GPT2: variants seen among roughly 807,000 people sequenced by gnomAD.
The protein encoded by GPT2 is alanine aminotransferase 2.
GPT2 carries 30 observed loss-of-function variants against 56.9 expected under a neutral mutation model. The ratio of observed to expected loss-of-function variants is 0.53; its 90% CI spans 0.39 to 0.72. The LOEUF (loss-of-function observed/expected upper bound fraction) is 0.72, where lower values mean the gene tolerates loss of function less well. Among genes scored for constraint, GPT2 ranks in the 30% least tolerant of loss-of-function variants. GPT2 has a pLI of 0.00. For missense variants in GPT2, 542 were observed against 703.4 expected (o/e 0.77, Z 2.60); for synonymous variants, 271 against 283.1 (o/e 0.96, Z 0.43).
chr16:46,919,180 A>G (rs1397365156), intron 8 of GPT2, among the ~76,000 whole-genome samples: 1 of 152,184 alleles, frequency 6.6e-6, no homozygotes, highest in Non-Finnish European at 1.5e-5. Context: ...GTCAGCTGTA[A>G]TCCTGTGTCT....
chr16:46,923,278 A>G (rs892737163), intron 9 of GPT2, among the ~76,000 whole-genome samples: 2 of 152,172 alleles, frequency 1.3e-5, no homozygotes, highest in Admixed American at 1.3e-4. Context: ...CCCGGCCAAC[A>G]TGGTCAAACC....
intron 4 of GPT2, among the ~76,000 whole-genome samples, chr16:46,901,530 T>C (rs140010056): frequency 8.3e-4 from 127 of 152,374 alleles, no homozygotes; most frequent in African/African-American, 2.8e-3. Context: ...GGTTCCTTCA[T>C]GCAGCACCCA....
In GPT2 at chr16:46,929,355, A is replaced by G. The variant is rs1961484313; in HGVS notation, c.*358A>G. 2 of 258,778 alleles carry G rather than the reference A, an allele frequency of 7.7e-6. No individual in the cohort carries two copies. The highest frequency in any genetic ancestry group is 4.3e-5 in the African/African-American group (2 of 46,084). The allele number at this position is 258,778 out of a possible 1,614,324, so 16.0% of individuals were successfully genotyped here. A position where few individuals can be genotyped will look rare whatever the true frequency, so the allele number is the denominator to read the frequency against. On this transcript the variant is annotated 3_prime_UTR_variant, in exon 12 of 12. Coordinates refer to ENST00000340124, the MANE Select transcript of GPT2 (RefSeq NM_133443.4). ...TGGAGAAATGAGCAGGTGTCGGGAA[A>G]TGTGTGACTTAACCGTGGTGAGGGC... is the stretch of plus-strand genomic sequence containing the variant.
chr16:46,923,873 G>A (rs1047078960), intron 9 of GPT2: 8 of 257,148 alleles, frequency 3.1e-5, no homozygotes, highest in Admixed American at 5.0e-5. Context: ...GAGGAATTCC[G>A]TCCAGAGCCA....
At chr16:46,905,059 CTTT>C (rs747352054) in intron 4 of GPT2, among the ~76,000 whole-genome samples, 6 of 134,580 alleles carry the variant, frequency 4.5e-5, no homozygotes, top group Admixed American at 7.5e-5. Flanking sequence ...CAGTTCAGGG[CTTT>C]TTTTTTTTTT....
Position 46,906,912 on chromosome 16 carries a change from T to C in GPT2, c.513T>C (p.Asp171=). 2 of 1,614,218 alleles carry C rather than the reference T, an allele frequency of 1.2e-6. No homozygotes were observed. Among genetic ancestry groups the C allele is most frequent in the African/African-American group, 2.7e-5 (2 of 75,052 alleles). Residue 171 remains aspartate (D), a synonymous_variant, in exon 5 of 12, where the codon GAT becomes GAC. Transcript: ENST00000340124. The stretch of plus-strand genomic sequence containing the variant: ...TGGCTGCCTACATCACCAGGAGGGA[T>C]GGCGGTGTGCCTGCGGACCCCGACA... ...EDVAAYITRR[D]GGVPADPDNI...
intron 6 of GPT2, among the ~76,000 whole-genome samples, chr16:46,913,827 C>A (rs1567340194): frequency 6.6e-6 from 1 of 152,098 alleles, no homozygotes; most frequent in Non-Finnish European, 1.5e-5. Flanking sequence ...AATCCCAGCA[C>A]TTTGGGAAGC....
At chr16:46,902,392 G>A (rs1428618512) in intron 4 of GPT2, among the ~76,000 whole-genome samples, 6 of 152,160 alleles carry the variant, frequency 3.9e-5, no homozygotes, top group African/African-American at 1.4e-4. Context: ...GTGTGCTAAA[G>A]CCCCTTGTTA....
At chr16:46,889,184 C>T (rs1457773180) in intron 2 of GPT2, among the ~76,000 whole-genome samples, 1 of 150,562 alleles carries the variant, frequency 6.6e-6, no homozygotes, top group Non-Finnish European at 1.5e-5. Context: ...TATGCCACCA[C>T]GTCTGGCTAA....
intron 11 of GPT2, 92 bp from the exon 12 acceptor site, chr16:46,928,815 C>G (rs1961470314): frequency 2.1e-6 from 2 of 933,374 alleles, no homozygotes; most frequent in East Asian, 4.9e-5. Flanking sequence ...GCAGACCTCC[C>G]TCTTCCATTC....
At position 46,929,118 on chromosome 16, in the gene GPT2, A is replaced by T; in HGVS notation, c.*121A>T. 1 of 725,754 alleles carries T rather than the reference A, an allele frequency of 1.4e-6. No homozygotes were observed. The highest frequency in any genetic ancestry group is 2.4e-6 in the Non-Finnish European group (1 of 410,218). The allele number at this position is 725,754 out of a possible 1,614,324, so 45.0% of individuals were successfully genotyped here. On this transcript the variant is annotated 3_prime_UTR_variant, in exon 12 of 12. Coordinates refer to ENST00000340124, the MANE Select transcript of GPT2 (RefSeq NM_133443.4). ...CGCAGAGGCCGCTGGTCACTTCGTC[A>T]TCATTTTGCCCCTGGAGACGTCTTT...
At position 46,930,286 on chromosome 16, in the gene GPT2, C is replaced by G. The variant is rs1386989025; in HGVS notation, c.*1289C>G. 4.6e-5 allele frequency: 7 copies of G among 152,258 alleles called. No homozygotes were observed. The East Asian group carries it at 1.3e-3, about 29-fold the overall frequency. 9.4% of individuals were successfully genotyped at this position (152,258 alleles called of 1,614,324 possible). On this transcript the variant is annotated 3_prime_UTR_variant, in exon 12 of 12. Transcript: ENST00000340124. ...GAGGCTGCGGTGCTACGGGCTTAGC[C>G]CTCGCCTCCCTCACTGGGAGCTTCC...
At chr16:46,889,077 A>C (rs959630758) in intron 2 of GPT2, among the ~76,000 whole-genome samples, 3 of 152,008 alleles carry the variant, frequency 2.0e-5, no homozygotes, top group African/African-American at 4.8e-5. Flanking sequence ...CCCAGGCAGG[A>C]GTGCAGTGGC....
At chr16:46,923,183 C>T (rs1057312447) in intron 9 of GPT2, among the ~76,000 whole-genome samples, 2 of 152,160 alleles carry the variant, frequency 1.3e-5, no homozygotes, top group Admixed American at 6.6e-5. Flanking sequence ...TCATGTTGGC[C>T]GGGCGTAGCG....
Position 46,897,800 on chromosome 16 carries a change from T to C in GPT2, c.333+63T>C, listed in dbSNP as rs573073957. 78 of 1,450,912 alleles carry C rather than the reference T, an allele frequency of 5.4e-5. No individual in the cohort carries two copies. The East Asian group carries it at 5.9e-4, about 11-fold the overall frequency. 89.9% of individuals were successfully genotyped at this position (1,450,912 alleles called of 1,614,324 possible). A position where few individuals can be genotyped will look rare whatever the true frequency, so the allele number is the denominator to read the frequency against. On this transcript the variant is annotated intron_variant, in intron 3 of 11. Coordinates refer to ENST00000340124, the MANE Select transcript of GPT2 (RefSeq NM_133443.4). The stretch of plus-strand genomic sequence containing the variant: ...GGGCCCTGGGCTGGGCGGGCCGTCA[T>C]AGGGGCCGTCCTCTGCCCCCTCGAT...
chr16:46,885,221 G>T (rs1960460912), intron 2 of GPT2: 3 of 1,233,174 alleles, frequency 2.4e-6, no homozygotes, highest in Non-Finnish European at 3.0e-6. Context: ...GCCAGGCACC[G>T]CACGTTGTGT....
chr16:46,890,687 G>A (rs975947445), intron 2 of GPT2, among the ~76,000 whole-genome samples: 2 of 151,984 alleles, frequency 1.3e-5, no homozygotes, highest in Admixed American at 6.6e-5. Flanking sequence ...ACAGTGTGGT[G>A]GTTTAACATT....
At position 46,909,905 on chromosome 16, in the gene GPT2, A is replaced by C; in HGVS notation, c.798A>C (p.Ile266=). 6.2e-7 allele frequency: 1 copy of C among 1,612,064 alleles called. No homozygotes were observed. Among genetic ancestry groups the C allele is most frequent in the Non-Finnish European group, 8.5e-7 (1 of 1,178,536 alleles). The change falls in exon 6 of 12, where the codon ATA becomes ATC. Residue 266 remains isoleucine, a synonymous_variant. Coordinates refer to ENST00000340124, the MANE Select transcript of GPT2 (RefSeq NM_133443.4). ...KDHCDPKVLC[I]INPGNPTGQV... ...ACTGTGATCCTAAGGTGCTCTGCAT[A>C]ATCAACCCTGGGAACCCCACAGGTC... is the stretch of plus-strand genomic sequence containing the variant.
intron 2 of GPT2, chr16:46,885,184 T>A: frequency 7.8e-7 from 1 of 1,274,968 alleles, no homozygotes; most frequent in Non-Finnish European, 9.9e-7. Context: ...TTGAATTGAA[T>A]TCGTCAATTG....
Sources: allele counts gnomAD v4.1 joint callset (sites outside exome capture counted in the v4.1 genomes callset), GRCh38; gene constraint gnomAD v4.1.1; transcripts MANE v1.5; gene names NCBI Gene and HGNC (gene_info 2026-07-23, HGNC 2026-07-21).